The following LCORL variants were observed in gnomAD, a reference collection of about 807,000 sequenced individuals.
LCORL encodes the protein ligand-dependent nuclear receptor corepressor-like protein.
Under a neutral mutation model 141.8 loss-of-function variants are expected in LCORL, and 41 were observed. The ratio of observed to expected loss-of-function variants is 0.29; its 90% CI spans 0.23 to 0.38. The LOEUF (loss-of-function observed/expected upper bound fraction) is 0.38. LCORL is among the 10% of genes least tolerant of loss of function. The pLI is 1.00. For synonymous variants in LCORL, 618 were observed against 694.1 expected, an observed-to-expected ratio of 0.89 and a Z score of 1.72; for missense variants, 1,759 against 2,035.0, an observed-to-expected ratio of 0.86 and a Z score of 2.61.
intron 2 of LCORL, among the ~76,000 whole-genome samples, chr4:17,969,644 T>C (rs949395273): frequency 6.6e-6 from 1 of 152,114 alleles, no homozygotes; most frequent in African/African-American, 2.4e-5. Context: ...ATACAAGAAT[T>C]ATATTATCCT....
At chr4:17,998,007 T>C (rs2109808867) in intron 1 of LCORL, among the ~76,000 whole-genome samples, 1 of 152,150 alleles carries the variant, frequency 6.6e-6, no homozygotes, top group Non-Finnish European at 1.5e-5. Flanking sequence ...AACATCAGAG[T>C]GTACTTACAC....
At chr4:17,872,386 A>G (rs749397475) in intron 7 of LCORL, among the ~76,000 whole-genome samples, 1 of 152,164 alleles carries the variant, frequency 6.6e-6, no homozygotes, top group Non-Finnish European at 1.5e-5. Context: ...CATAAAATAC[A>G]CTAACACTAA....
At chr4:17,928,193 G>C (rs543268923) in intron 4 of LCORL, among the ~76,000 whole-genome samples, 12 of 152,150 alleles carry the variant, frequency 7.9e-5, no homozygotes, top group Non-Finnish European at 1.6e-4. Flanking sequence ...GATCACTTGA[G>C]CCCAGGAGTT....
At chr4:17,921,029 A>AT (rs968227071) in intron 4 of LCORL, among the ~76,000 whole-genome samples, 24 of 151,918 alleles carry the variant, frequency 1.6e-4, no homozygotes, top group Non-Finnish European at 2.5e-4. Flanking sequence ...TTTTTAATTT[A>AT]TTTTTTATTT....
intron 1 of LCORL, among the ~76,000 whole-genome samples, chr4:17,989,081 C>T (rs1560448865): frequency 6.6e-6 from 1 of 152,198 alleles, no homozygotes; most frequent in Non-Finnish European, 1.5e-5. Context: ...AAACTATCCA[C>T]CAGCTTTAAT....
intron 1 of LCORL, among the ~76,000 whole-genome samples, chr4:18,004,459 T>A (rs532174500): frequency 6.6e-6 from 1 of 152,212 alleles, no homozygotes; most frequent in South Asian, 2.1e-4. Context: ...ATCCCTTTTT[T>A]AAAACCGTCC....
intron 1 of LCORL, among the ~76,000 whole-genome samples, chr4:17,999,320 G>A (rs1721533626): frequency 6.6e-6 from 1 of 151,902 alleles, no homozygotes; most frequent in Admixed American, 6.6e-5. Context: ...CGGGCGTGGT[G>A]GTGGAGGTGT....
exon 7 of LCORL, chr4:17,874,185 A>G (rs1386519788): frequency 3.2e-6 from 4 of 1,233,848 alleles, no homozygotes; most frequent in Non-Finnish European, 4.0e-6. Context: ...TTCATGATGC[A>G]ACCTCTTAAA....
chr4:17,905,234 T>C (rs1387689733), intron 5 of LCORL, among the ~76,000 whole-genome samples: 1 of 152,136 alleles, frequency 6.6e-6, no homozygotes, highest in Non-Finnish European at 1.5e-5. Context: ...ATAATGTCTT[T>C]GGTAGTGGAA....
At position 17,968,738 on chromosome 4, in the gene LCORL, T is replaced by A. The variant is rs550414884; in HGVS notation, c.220+4082A>T. ...AAGGAATGAGTGAGACTATGTCCAA[T>A]AAAACTTTATTAACTGAAAAATTAA... On this transcript the variant is annotated intron_variant, in intron 2 of 7. Coordinates refer to ENST00000635767, the Ensembl canonical transcript of LCORL. Among the ~76,000 whole-genome samples the A allele has an allele frequency of 6.6e-5, 10 of 152,304 alleles. No homozygotes were observed. The South Asian group carries it at 1.9e-3, about 28-fold the overall frequency.
chr4:17,843,273 A>G, exon 8 of LCORL: 1 of 1,595,310 alleles, frequency 6.3e-7, no homozygotes, highest in Non-Finnish European at 8.5e-7. Context: ...GCTTGTATCT[A>G]AATTCGTGTA....
chr4:17,924,465 C>T (rs1397349550), intron 4 of LCORL, among the ~76,000 whole-genome samples: 1 of 152,186 alleles, frequency 6.6e-6, no homozygotes, highest in Admixed American at 6.5e-5. Flanking sequence ...ACTGAGCCCT[C>T]AATATGGCAC....
exon 8 of LCORL, chr4:17,843,079 A>G (rs1486816938): frequency 1.0e-5 from 4 of 381,350 alleles, no homozygotes; most frequent in Non-Finnish European, 1.9e-5. Context: ...AGGTTCTGTT[A>G]TAGTATATAA....
chr4:17,964,019 A>G (rs1405648309), intron 2 of LCORL, among the ~76,000 whole-genome samples: 3 of 152,106 alleles, frequency 2.0e-5, no homozygotes, highest in Admixed American at 6.6e-5. Context: ...TTGAAATGCT[A>G]ATGAATAAAT....
intron 4 of LCORL, among the ~76,000 whole-genome samples, chr4:17,931,788 G>T (rs1178681187): frequency 6.6e-6 from 1 of 152,166 alleles, no homozygotes; most frequent in Admixed American, 6.5e-5. Flanking sequence ...TGTTATTTGA[G>T]AATTGAGTTC....
At chr4:17,962,905 T>TAA (rs371573867) in intron 3 of LCORL, 65 bp downstream of exon 3, 153 of 773,158 alleles carry the variant, frequency 2.0e-4, no homozygotes, top group South Asian at 4.2e-4. Context: ...CAAATTAAGA[T>TAA]AAAAAAAAAA....
chr4:17,883,540 C>A, intron 6 of LCORL: 1 of 1,327,554 alleles, frequency 7.5e-7, no homozygotes, highest in South Asian at 2.6e-5. Flanking sequence ...CTGAATAAAA[C>A]TTTTTTTCAA....
intron 4 of LCORL, among the ~76,000 whole-genome samples, chr4:17,939,922 A>C (rs2109469105): frequency 6.6e-6 from 1 of 150,914 alleles, no homozygotes; most frequent in South Asian, 2.1e-4. Context: ...ATATGTACCT[A>C]CATATGTATA....
chr4:17,967,727 A>T (rs1043520726), intron 2 of LCORL, among the ~76,000 whole-genome samples: 2 of 152,220 alleles, frequency 1.3e-5, no homozygotes, highest in Non-Finnish European at 2.9e-5. Context: ...TTGTATTACA[A>T]GCATTATGAT....
Sources: gnomAD v4.1 joint callset for allele counts (sites outside exome capture counted in the v4.1 genomes callset) on GRCh38, gnomAD v4.1.1 for gene constraint, MANE v1.5 for transcripts, NCBI Gene and HGNC (gene_info 2026-07-23, HGNC 2026-07-21) for gene names.